The following RPH3AL variants were observed in gnomAD, a reference collection of about 807,000 sequenced individuals.
RPH3AL encodes the protein rab effector Noc2.
Under a neutral mutation model 43.1 loss-of-function variants are expected in RPH3AL, and 38 were observed. The ratio of observed to expected loss-of-function variants is 0.88; its 90% CI spans 0.68 to 1.15. RPH3AL has a LOEUF of 1.15. RPH3AL is among the 50% of genes most tolerant of loss of function. The pLI, the probability that RPH3AL is intolerant of heterozygous loss-of-function variation, is 0.00. For synonymous variants in RPH3AL, 189 were observed against 176.3 expected, an observed-to-expected ratio of 1.07 and a Z score of -0.57; for missense variants, 462 against 423.2, an observed-to-expected ratio of 1.09 and a Z score of -0.81.
Position 238,447 on chromosome 17 carries a change from G to C in RPH3AL, c.613+8664C>G, listed in dbSNP as rs142057336. ...GAGAAGAAGCCGCATCCTGTTAACT[G>C]TCCTCGGCGTTGGAGGCAGAGAACA... On this transcript the variant is annotated intron_variant, in intron 7 of 9. Transcript: ENST00000331302. 5.3e-5 allele frequency among the ~76,000 whole-genome samples: 8 copies of C among 152,332 alleles called. No homozygotes were observed. The East Asian group carries it at 1.5e-3, about 29-fold the overall frequency.
At position 236,022 on chromosome 17, in the gene RPH3AL, C is replaced by A. The variant is rs75181143; in HGVS notation, c.613+11089G>T. 3.5e-3 allele frequency among the ~76,000 whole-genome samples: 527 copies of A among 151,366 alleles called. 60 individuals carry two copies. In the East Asian group the frequency reaches 0.092, roughly 26 times the overall value. ...GTCCATGGGTCAAAGCTGGGGTCGG[C>A]GGTGGCTCCGTACTAACAAGACGGG... On this transcript the variant is annotated intron_variant, in intron 7 of 9. Coordinates refer to ENST00000331302, the MANE Select transcript of RPH3AL (RefSeq NM_006987.4).
chr17:233,554 C>A (rs141809316), intron 7 of RPH3AL, among the ~76,000 whole-genome samples: 1 of 152,234 alleles, frequency 6.6e-6, no homozygotes, highest in South Asian at 2.1e-4. Context: ...GTCACACAGA[C>A]GTGACCTGGT....
intron 6 of RPH3AL, among the ~76,000 whole-genome samples, chr17:273,729 C>T (rs1455311489): frequency 6.6e-6 from 1 of 152,206 alleles, no homozygotes; most frequent in Non-Finnish European, 1.5e-5. Context: ...CAAACTTTTC[C>T]CGAGCACCTT....
At chr17:236,856 C>T (rs904449123) in intron 7 of RPH3AL, among the ~76,000 whole-genome samples, 31 of 152,272 alleles carry the variant, frequency 2.0e-4, no homozygotes, top group African/African-American at 5.3e-4. Flanking sequence ...GCTTCCGCCA[C>T]GGGCGGGGCA....
At chr17:240,664 T>C (rs960446496) in intron 7 of RPH3AL, among the ~76,000 whole-genome samples, 12 of 152,372 alleles carry the variant, frequency 7.9e-5, no homozygotes, top group African/African-American at 2.6e-4. Context: ...CACTGTGTGA[T>C]TACACCATAT....
chr17:270,691 GAA>G (rs534658133), intron 6 of RPH3AL, among the ~76,000 whole-genome samples: 8 of 141,120 alleles, frequency 5.7e-5, no homozygotes, highest in Middle Eastern at 3.7e-3. Flanking sequence ...CTCCACAAAA[GAA>G]AAAAAAAAAA....
intron 6 of RPH3AL, among the ~76,000 whole-genome samples, chr17:278,086 A>T (rs1432946099): frequency 6.6e-6 from 1 of 152,160 alleles, no homozygotes; most frequent in Non-Finnish European, 1.5e-5. Flanking sequence ...CCCAAATCTC[A>T]TCTTGAACTG....
intron 6 of RPH3AL, among the ~76,000 whole-genome samples, chr17:252,102 G>C (rs782125856): frequency 6.6e-6 from 1 of 151,710 alleles, no homozygotes; most frequent in Non-Finnish European, 1.5e-5. Flanking sequence ...CTCCCGAGTA[G>C]CTGGGACTAT....
rs2044397829 is a variant in RPH3AL at position 319,462 on chromosome 17, G to A, written c.309C>T (p.Gly103=). Residue 103 remains glycine (G), a synonymous_variant, in exon 5 of 10, where the codon GGC becomes GGT. Transcript: ENST00000331302. The part of the protein sequence containing the change: ...SQCLLCGEVL[G]FLGSSSVFCK... ...AGAACACCGACGAGCTGCCCAGGAA[G>A]CCCAGCACCTCCCCGCAGAGCAGAC... is the stretch of plus-strand genomic sequence containing the variant. The A allele has an allele frequency of 4.3e-6, 7 of 1,612,640 alleles. No homozygotes were observed. The highest frequency in any genetic ancestry group is 5.9e-6 in the Non-Finnish European group (7 of 1,179,914).
intron 1 of RPH3AL, among the ~76,000 whole-genome samples, chr17:340,146 C>G (rs559907106): frequency 6.6e-6 from 1 of 152,146 alleles, no homozygotes; most frequent in East Asian, 1.9e-4. Context: ...CCCCCTGGCT[C>G]CAGGCTCCCC....
Position 283,507 on chromosome 17 carries a change from C to G in RPH3AL, c.352-1653G>C, listed in dbSNP as rs2042833942. 6.6e-6 allele frequency among the ~76,000 whole-genome samples: 1 copy of G among 152,212 alleles called. No individual in the cohort carries two copies. The highest frequency in any genetic ancestry group is 1.5e-5 in the Non-Finnish European group (1 of 68,040). ...TGTCCCTCTGGATTGGCAGGAAAAT[C>G]TGCCCAAGCCTCAGCCACACTTGGG... is the stretch of plus-strand genomic sequence containing the variant. On this transcript the variant is annotated intron_variant, in intron 5 of 9. Transcript: ENST00000331302. The surrounding 1 kb of genome is among the most constrained non-coding windows in gnomAD (Gnocchi z 4.2).
intron 6 of RPH3AL, among the ~76,000 whole-genome samples, chr17:269,977 C>T (rs550747351): frequency 1.3e-5 from 2 of 152,116 alleles, no homozygotes; most frequent in Non-Finnish European, 2.9e-5. Flanking sequence ...TGGTGAGCAC[C>T]AGGAGCCCCC....
intron 6 of RPH3AL, among the ~76,000 whole-genome samples, chr17:266,434 T>C (rs1555548043): frequency 6.6e-6 from 1 of 152,206 alleles, no homozygotes; most frequent in East Asian, 1.9e-4. Context: ...TGCCTCCCCA[T>C]GCTGCAGGTG....
chr17:292,929 G>A (rs2043080046), intron 5 of RPH3AL, among the ~76,000 whole-genome samples: 1 of 152,210 alleles, frequency 6.6e-6, no homozygotes, highest in South Asian at 2.1e-4. Context: ...CTGCTGCCGG[G>A]TCTGAGACAG....
intron 5 of RPH3AL, 33 bp from the exon 6 acceptor site, chr17:281,887 T>C (rs2042789886): frequency 6.5e-7 from 1 of 1,549,652 alleles, no homozygotes; most frequent in East Asian, 2.2e-5. Flanking sequence ...TTGTAAAGAT[T>C]GCAGCCGCTT....
chr17:300,332 A>AGCC (rs527935780), intron 5 of RPH3AL, among the ~76,000 whole-genome samples: 54 of 24,838 alleles, frequency 2.2e-3, no homozygotes, highest in East Asian at 7.6e-3. Flanking sequence ...GGGCTGGCCC[A>AGCC]TAGGCCTGCA....
Position 328,348 on chromosome 17 carries a change from G to A in RPH3AL, c.-36-769C>T, listed in dbSNP as rs562046688. Among the ~76,000 whole-genome samples, 12 of 151,828 alleles carry A rather than the reference G, an allele frequency of 7.9e-5. No individual in the cohort carries two copies. The highest frequency in any genetic ancestry group is 1.0e-4 in the Non-Finnish European group (7 of 67,950). On this transcript the variant is annotated intron_variant, in intron 2 of 9. Transcript: ENST00000331302. The surrounding 1 kb of genome is among the most constrained non-coding windows in gnomAD (Gnocchi z 4.2). ...TCTGAAGGGAGTGTGGGATGAGGCC[G>A]AGGGTATCTGAATCCCAGAGCAAGG...
intron 5 of RPH3AL, among the ~76,000 whole-genome samples, chr17:307,133 C>T (rs1475210832): frequency 6.6e-6 from 1 of 151,344 alleles, no homozygotes; most frequent in Non-Finnish European, 1.5e-5. Context: ...ACAGCAGATC[C>T]TCCCCATGGC....
intron 1 of RPH3AL, among the ~76,000 whole-genome samples, chr17:342,413 C>T (rs575635856): frequency 1.1e-4 from 17 of 152,340 alleles, no homozygotes; most frequent in African/African-American, 4.1e-4. Flanking sequence ...CACCAATGCT[C>T]ATAGCAGCAC....
Sources: gnomAD v4.1 joint callset for allele counts (sites outside exome capture counted in the v4.1 genomes callset) on GRCh38, gnomAD v4.1.1 for gene constraint, Gnocchi (gnomAD v3.1) non-coding constraint, MANE v1.5 for transcripts, NCBI Gene and HGNC (gene_info 2026-07-23, HGNC 2026-07-21) for gene names.